FYB2: variants seen among roughly 807,000 people sequenced by gnomAD.
FYB2 encodes the protein FYN binding protein 2, also known as FYN-binding protein 2.
Under a neutral mutation model 94.1 loss-of-function variants are expected in FYB2, and 103 were observed. That is an observed-to-expected ratio of 1.09 (90% confidence interval 0.93 to 1.29). The LOEUF (loss-of-function observed/expected upper bound fraction) is 1.29, where lower values mean the gene tolerates loss of function less well. FYB2 is among the 50% of genes most tolerant of loss of function. The pLI is 0.00. For missense variants in FYB2, 896 were observed against 841.5 expected (o/e 1.06, Z -0.80); for synonymous variants, 293 against 287.9 (o/e 1.02, Z -0.18).
chr1:56,777,810 T>G (rs1645916921), intron 4 of FYB2, among the ~76,000 whole-genome samples: 1 of 152,090 alleles, frequency 6.6e-6, no homozygotes, highest in South Asian at 2.1e-4. Flanking sequence ...AAACTCATAT[T>G]TTTTCTCCTA....
chr1:56,757,730 CTTTCATTCTTTCTTTCTTTCTTTCT>C (rs1645384213), intron 6 of FYB2, among the ~76,000 whole-genome samples: 1 of 111,838 alleles, frequency 8.9e-6, no homozygotes, highest in Admixed American at 1.0e-4. Flanking sequence ...TTCTTTCTTT[CTTTCATTCTTTCTTTCTTTCTTTCT>C]TTTCATTCTT....
chr1:56,743,137 G>A (rs1255243315), intron 11 of FYB2, among the ~76,000 whole-genome samples: 1 of 151,938 alleles, frequency 6.6e-6, no homozygotes, highest in African/African-American at 2.4e-5. Context: ...TATAATCACT[G>A]TTGTACTATA....
intron 16 of FYB2, among the ~76,000 whole-genome samples, chr1:56,724,673 A>G (rs1644551239): frequency 6.6e-6 from 1 of 152,036 alleles, no homozygotes; most frequent in Non-Finnish European, 1.5e-5. Context: ...GTCTAAATTC[A>G]TTAGCATTTT....
chr1:56,727,030 A>G (rs2100509396), intron 15 of FYB2, among the ~76,000 whole-genome samples: 1 of 152,048 alleles, frequency 6.6e-6, no homozygotes, highest in East Asian at 1.9e-4. Context: ...AGCATGTAAC[A>G]TTAGTGATTC....
In FYB2 at chr1:56,742,022, T is replaced by C; in HGVS notation, c.1604+139A>G. On this transcript the variant is annotated intron_variant, in intron 12 of 19. Transcript: ENST00000343433. Reference sequence around the variant, plus strand: ...AGGTTATCATAACTCTCAGTGTGAATCTTTCCTAAAAGATGATGATGGGAG... The same window carrying C: ...AGGTTATCATAACTCTCAGTGTGAACCTTTCCTAAAAGATGATGATGGGAG... 6 of 672,464 alleles carry C rather than the reference T, an allele frequency of 8.9e-6. No homozygotes were observed. The South Asian group carries it at 1.1e-4, about 12-fold the overall frequency. The allele number at this position is 672,464 out of a possible 1,614,324, so 41.7% of individuals were successfully genotyped here.
rs533345430 is a variant in FYB2, at chr1:56,738,793, G to C, written c.1704-140C>G. On this transcript the variant is annotated intron_variant, in intron 13 of 19. Coordinates refer to ENST00000343433, the MANE Select transcript of FYB2 (RefSeq NM_001004303.5). ...TATTCTCTGACTCCAAGTAAAAATA[G>C]TTTCTCTGGTATTAACAGATGTCAC... 9.2e-5 allele frequency: 73 copies of C among 794,534 alleles called. 2 individuals carry two copies. In the South Asian group the frequency reaches 1.1e-3, roughly 12 times the overall value. 49.2% of individuals were successfully genotyped at this position (794,534 alleles called of 1,614,324 possible). A position where few individuals can be genotyped will look rare whatever the true frequency, so the allele number is the denominator to read the frequency against.
rs145461458 is a variant in FYB2 at position 56,737,998 on chromosome 1, C to A, written c.1732+627G>T. 7.2e-3 allele frequency among the ~76,000 whole-genome samples: 1,099 copies of A among 152,102 alleles called. 15 individuals carry two copies. The highest frequency in any genetic ancestry group is 0.026 in the African/African-American group (1,066 of 41,514). On this transcript the variant is annotated intron_variant, in intron 14 of 19. Coordinates refer to ENST00000343433, the MANE Select transcript of FYB2 (RefSeq NM_001004303.5). ...TGAATTGTCAAGTTCGAGTGACATCCAGGTAGCCACATAGCTAGAACCCCT... is the reference window on the plus strand; with the variant it reads ...TGAATTGTCAAGTTCGAGTGACATCAAGGTAGCCACATAGCTAGAACCCCT...
chr1:56,762,542 C>T (rs923676474), intron 5 of FYB2, among the ~76,000 whole-genome samples: 1 of 152,076 alleles, frequency 6.6e-6, no homozygotes, highest in African/African-American at 2.4e-5. Flanking sequence ...TCCTGATATA[C>T]AGAAATATAA....
chr1:56,776,638 C>T (rs547699266), intron 4 of FYB2, among the ~76,000 whole-genome samples: 2 of 152,186 alleles, frequency 1.3e-5, no homozygotes, highest in African/African-American at 4.8e-5. Context: ...TTCAGAGTGT[C>T]TTCTTTGAGG....
At chr1:56,754,285 C>T (rs1645273274) in intron 7 of FYB2, among the ~76,000 whole-genome samples, 1 of 151,956 alleles carries the variant, frequency 6.6e-6, no homozygotes. Flanking sequence ...TCTCATAATT[C>T]CTCAAACCCA....
At chr1:56,804,605 A>C (rs1463838597) in intron 1 of FYB2, among the ~76,000 whole-genome samples, 1 of 152,000 alleles carries the variant, frequency 6.6e-6, no homozygotes, top group Non-Finnish European at 1.5e-5. Context: ...CGGTACATGC[A>C]TGTAGTCCCA....
At position 56,738,483 on chromosome 1, in the gene FYB2, G is replaced by A. The variant is rs79318477; in HGVS notation, c.1732+142C>T. 2.5e-3 allele frequency: 2,045 copies of A among 825,374 alleles called. 45 individuals are homozygous for A. The South Asian group carries it at 0.028, about 11-fold the overall frequency. The allele number at this position is 825,374 out of a possible 1,614,324, so 51.1% of individuals were successfully genotyped here. On this transcript the variant is annotated intron_variant, in intron 14 of 19. Transcript: ENST00000343433. Reference sequence around the variant, plus strand: ...TTCTCCAAAGTAAAAAAATACTTCCGTGTGAAACATCTTCTTTGATTTTGG... The same window carrying A: ...TTCTCCAAAGTAAAAAAATACTTCCATGTGAAACATCTTCTTTGATTTTGG...
chr1:56,810,001 T>C (rs1156931460), intron 1 of FYB2, among the ~76,000 whole-genome samples: 2 of 151,460 alleles, frequency 1.3e-5, no homozygotes, highest in Admixed American at 6.6e-5. Flanking sequence ...ATAGTTGTGA[T>C]ATGGATAAAG....
chr1:56,767,866 G>A lies in FYB2; in HGVS notation c.1026C>T (p.Asn342=). 1 of 1,612,202 alleles carries A rather than the reference G, an allele frequency of 6.2e-7. No homozygotes were observed. The highest frequency in any genetic ancestry group is 1.1e-5 in the South Asian group (1 of 90,674). Residue 342 remains asparagine, a synonymous_variant, in exon 5 of 20, where the codon AAC becomes AAT. Transcript: ENST00000343433. ...CTTTTGCAGTGCACAGGTTAATGGA[G>A]TTGCCAGAGTGTCTCAGATATGAAA... ...ATISYLRHSG[N]SINLCTAKEI...
intron 9 of FYB2, among the ~76,000 whole-genome samples, chr1:56,746,537 A>G (rs551542630): frequency 1.5e-4 from 23 of 152,128 alleles, no homozygotes; most frequent in African/African-American, 4.8e-4. Context: ...GAATGTTTTA[A>G]TAATGGAATA....
At chr1:56,760,341 A>G (rs867918326) in intron 5 of FYB2, among the ~76,000 whole-genome samples, 9 of 152,152 alleles carry the variant, frequency 5.9e-5, no homozygotes, top group Admixed American at 1.3e-4. Flanking sequence ...ATTATTCTAA[A>G]CATATAATAC....
At chr1:56,798,642 GAATAAT>G (rs1161512086) in intron 1 of FYB2, among the ~76,000 whole-genome samples, 2 of 152,022 alleles carry the variant, frequency 1.3e-5, no homozygotes, top group African/African-American at 4.8e-5. Flanking sequence ...GGAATCTAAG[GAATAAT>G]GATAATAATA....
rs765986509 is a variant in FYB2 at position 56,753,896 on chromosome 1, T to C, written c.1170A>G (p.Pro390=). ...CTGTGTTTTTAGGTTTCAATTCACA[T>C]GGTTGTTTTTCCTTCATTTTTTTAT... ...HEDKKMKEKQ[P]CELKPKNTEK... Residue 390 remains proline (P), a synonymous_variant, in exon 8 of 20, where the codon CCA becomes CCG. Transcript: ENST00000343433. The C allele has an allele frequency of 5.6e-6, 9 of 1,611,608 alleles. No homozygotes were observed. In the Admixed American group the frequency reaches 1.5e-4, roughly 27 times the overall value.
At chr1:56,817,182 G>C (rs183514087) in intron 1 of FYB2, among the ~76,000 whole-genome samples, 1 of 152,250 alleles carries the variant, frequency 6.6e-6, no homozygotes, top group Admixed American at 6.5e-5. Context: ...ATGGCCTCCA[G>C]GGCCCTATAT....
Sources: allele counts gnomAD v4.1 joint callset (sites outside exome capture counted in the v4.1 genomes callset), GRCh38; gene constraint gnomAD v4.1.1; transcripts MANE v1.5; gene names NCBI Gene and HGNC (gene_info 2026-07-23, HGNC 2026-07-21).